Variants in GABRA3 observed in about 807,000 individuals in gnomAD.
GABRA3 encodes the protein gamma-aminobutyric acid type A receptor subunit alpha3, also known as gamma-aminobutyric acid receptor subunit alpha-3.
In GABRA3, 10 loss-of-function variants were observed where a neutral mutation model predicts 30.1. The ratio of observed to expected loss-of-function variants is 0.33; its 90% CI spans 0.20 to 0.56. GABRA3 has a LOEUF of 0.56. Ranked by LOEUF, GABRA3 falls within the 20% of genes least tolerant of loss-of-function variation. The probability of loss-of-function intolerance (pLI) is 0.89; values close to 1 mark genes in which losing one functional copy is unlikely to be tolerated. For missense variants in GABRA3, 233 were observed against 392.0 expected, an observed-to-expected ratio of 0.59 and a Z score of 3.42; for synonymous variants, 151 against 146.8, an observed-to-expected ratio of 1.03 and a Z score of -0.21.
At chrX:152,444,788 G>A (rs1437360655) in intron 1 of GABRA3, among the ~76,000 whole-genome samples, 5 of 83,700 alleles carry the variant, frequency 6.0e-5, no homozygotes, top group Non-Finnish European at 6.8e-5. Flanking sequence ...TTGGCCGGGC[G>A]CGGTGGCTCA....
chrX:152,308,058 C>T (rs1233063705), intron 3 of GABRA3, among the ~76,000 whole-genome samples: 5 of 112,718 alleles, frequency 4.4e-5, no homozygotes. Context: ...GACATCTTGC[C>T]TATAGGATAA....
At chrX:152,201,302 T>C (rs143355883) in intron 7 of GABRA3, among the ~76,000 whole-genome samples, 355 of 112,226 alleles carry the variant, frequency 3.2e-3, no homozygotes, top group African/African-American at 0.011. Context: ...TGTCCCAGCT[T>C]ATTAAGCTCA....
chrX:152,335,293 T>C (rs773199366), intron 3 of GABRA3, among the ~76,000 whole-genome samples: 5 of 111,709 alleles, frequency 4.5e-5, no homozygotes, highest in Non-Finnish European at 9.4e-5. Flanking sequence ...ACTAGAACCA[T>C]AGCTTAGAGA....
At chrX:152,285,692 T>C (rs1420872650) in intron 3 of GABRA3, among the ~76,000 whole-genome samples, 1 of 110,271 alleles carries the variant, frequency 9.1e-6, no homozygotes, top group Non-Finnish European at 1.9e-5. Context: ...GTCTGGGAAG[T>C]CTTAGATCAA....
chrX:152,172,762 C>A lies in GABRA3; in HGVS notation c.1144-4199G>T, dbSNP rs138398160. On this transcript the variant is annotated intron_variant, in intron 9 of 9. Transcript: ENST00000370314. ...ATCTAGAGTAGCAAATTCATAGAGA[C>A]AGAAAGTAGAATGGTGGGTGCTGGG... Among the ~76,000 whole-genome samples, 1,098 of 111,321 alleles carry A rather than the reference C, an allele frequency of 9.9e-3. 11 individuals are homozygous for A. The highest frequency in any genetic ancestry group is 0.017 in the Non-Finnish European group (899 of 53,082).
At chrX:152,334,661 T>G (rs1602621) in intron 3 of GABRA3, among the ~76,000 whole-genome samples, 23,364 of 110,423 alleles carry the variant, frequency 0.21, 2,296 homozygotes, top group African/African-American at 0.39. Flanking sequence ...CCTAAGTGCT[T>G]GGATTACAGG....
chrX:152,332,407 T>C (rs1940177225), intron 3 of GABRA3, among the ~76,000 whole-genome samples: 1 of 112,139 alleles, frequency 8.9e-6, no homozygotes, highest in African/African-American at 3.2e-5. Flanking sequence ...ATGCCCTTTC[T>C]GTCCACCTTG....
At chrX:152,182,850 A>G (rs1284615300) in intron 9 of GABRA3, among the ~76,000 whole-genome samples, 2 of 93,427 alleles carry the variant, frequency 2.1e-5, no homozygotes, top group African/African-American at 3.8e-5. Flanking sequence ...TAAATACTAT[A>G]GTATATATAC....
At chrX:152,276,359 C>T (rs1233562209) in intron 4 of GABRA3, among the ~76,000 whole-genome samples, 1 of 111,565 alleles carries the variant, frequency 9.0e-6, no homozygotes, top group Non-Finnish European at 1.9e-5. Context: ...TAAAGTATGA[C>T]AATACGAAGC....
intron 1 of GABRA3, among the ~76,000 whole-genome samples, chrX:152,382,471 G>A (rs1396041838): frequency 4.5e-5 from 5 of 112,275 alleles, no homozygotes; most frequent in Admixed American, 2.8e-4. Flanking sequence ...CATAAAGGGA[G>A]TTGCCTCTTT....
intron 6 of GABRA3, among the ~76,000 whole-genome samples, chrX:152,208,771 C>T (rs773782237): frequency 8.9e-6 from 1 of 111,802 alleles, no homozygotes; most frequent in African/African-American, 3.3e-5. Context: ...GACACGCTGG[C>T]TTGCTTTGCC....
At chrX:152,181,570 A>G (rs1460329984) in intron 9 of GABRA3, among the ~76,000 whole-genome samples, 1 of 110,230 alleles carries the variant, frequency 9.1e-6, no homozygotes. Context: ...CTATCACAAG[A>G]ACAAAAAACC....
chrX:152,433,415 T>G (rs1430216047), intron 1 of GABRA3, among the ~76,000 whole-genome samples: 1 of 108,873 alleles, frequency 9.2e-6, no homozygotes, highest in African/African-American at 3.3e-5. Context: ...GAATAAGAAT[T>G]TTCAAGAATA....
chrX:152,329,704 G>T (rs1382797538), intron 3 of GABRA3, among the ~76,000 whole-genome samples: 1 of 111,950 alleles, frequency 8.9e-6, no homozygotes, highest in African/African-American at 3.3e-5. Context: ...ATTCAGGATG[G>T]ATTAAAGACT....
chrX:152,264,725 G>A (rs1307664736), intron 4 of GABRA3, among the ~76,000 whole-genome samples: 1 of 111,135 alleles, frequency 9.0e-6, no homozygotes, highest in African/African-American at 3.3e-5. Context: ...AAAAGCAAGA[G>A]CCAGTGGTCT....
chrX:152,409,789 G>C (rs1930024095), intron 1 of GABRA3, among the ~76,000 whole-genome samples: 1 of 111,997 alleles, frequency 8.9e-6, no homozygotes, highest in Admixed American at 9.5e-5. Context: ...AGCCACTATG[G>C]AGAACAGTAC....
intron 2 of GABRA3, among the ~76,000 whole-genome samples, chrX:152,347,016 G>A (rs1940402209): frequency 8.9e-6 from 1 of 111,880 alleles, no homozygotes; most frequent in South Asian, 3.7e-4. Context: ...AAGGAAATCA[G>A]TATATCAAAG....
chrX:152,353,734 T>G (rs1311081412), intron 2 of GABRA3, among the ~76,000 whole-genome samples: 1 of 111,727 alleles, frequency 9.0e-6, no homozygotes, highest in Non-Finnish European at 1.9e-5. Context: ...CTCAAAGACT[T>G]TGAATTAATC....
chrX:152,303,757 A>G (rs889973882), intron 3 of GABRA3, among the ~76,000 whole-genome samples: 21 of 110,007 alleles, frequency 1.9e-4, no homozygotes, highest in African/African-American at 7.0e-4. Context: ...TGGGAGTTGA[A>G]CAATGAGAAC....
Sources: gnomAD v4.1 joint callset for allele counts (sites outside exome capture counted in the v4.1 genomes callset) on GRCh38, gnomAD v4.1.1 for gene constraint, MANE v1.5 for transcripts, NCBI Gene and HGNC (gene_info 2026-07-23, HGNC 2026-07-21) for gene names.